The following GBF1 variants were observed in gnomAD, a reference collection of about 807,000 sequenced individuals.
GBF1 encodes Golgi-specific brefeldin A-resistance guanine nucleotide exchange factor 1.
GBF1 carries 114 observed loss-of-function variants against 210.5 expected under a neutral mutation model. The observed-to-expected ratio is 0.54, with a 90% CI of 0.47 to 0.63. GBF1 has a LOEUF of 0.63. Among genes scored for constraint, GBF1 ranks in the 30% least tolerant of loss-of-function variants. GBF1 has a pLI of 0.00. For missense variants in GBF1, 1,851 were observed against 2,357.7 expected (o/e 0.79, Z 4.45); for synonymous variants, 850 against 889.2 (o/e 0.96, Z 0.78).
chr10:102,323,351 C>A (rs1435728519), intron 3 of GBF1, among the ~76,000 whole-genome samples: 1 of 151,536 alleles, frequency 6.6e-6, no homozygotes, highest in Non-Finnish European at 1.5e-5. Context: ...TCAAAGCAGT[C>A]ACAGACGAGA....
chr10:102,273,534 C>G (rs1349681477), intron 3 of GBF1, among the ~76,000 whole-genome samples: 1 of 152,116 alleles, frequency 6.6e-6, no homozygotes, highest in Non-Finnish European at 1.5e-5. Context: ...TACTCCTGTT[C>G]TAGCACTGGT....
chr10:102,300,839 G>A (rs2077275705), intron 3 of GBF1, among the ~76,000 whole-genome samples: 1 of 152,100 alleles, frequency 6.6e-6, no homozygotes, highest in African/African-American at 2.4e-5. Flanking sequence ...ACTCTTTTGT[G>A]GCTTTGAGGA....
chr10:102,256,808 G>A (rs1366241555), intron 1 of GBF1, among the ~76,000 whole-genome samples: 1 of 152,142 alleles, frequency 6.6e-6, no homozygotes, highest in Non-Finnish European at 1.5e-5. Flanking sequence ...CACAGTGCCC[G>A]ACCTTCTTGT....
At chr10:102,234,883 G>A in the GBF1 span, among the ~76,000 whole-genome samples, 1 of 152,196 alleles carries the variant, frequency 6.6e-6, no homozygotes, top group African/African-American at 2.4e-5. Flanking sequence ...TATTTCAGCA[G>A]AGGGAGGCAG....
chr10:102,236,214 G>A, the GBF1 span, among the ~76,000 whole-genome samples: 1 of 152,228 alleles, frequency 6.6e-6, no homozygotes, highest in Non-Finnish European at 1.5e-5. Flanking sequence ...ACTGCTGGAG[G>A]TCAGGAAGCT....
At position 102,260,128 on chromosome 10, in the gene GBF1, T is replaced by A; in HGVS notation, c.163+12T>A. On this transcript the variant is annotated intron_variant, in intron 3 of 39. Coordinates refer to ENST00000369983, the MANE Select transcript of GBF1 (RefSeq NM_001377137.1). The stretch of plus-strand genomic sequence containing the variant: ...AAACAGTATAACAGGTAAGTCTCCA[T>A]ATGTATGTGGATTACTAATCTTGGT... The A allele has an allele frequency of 7.5e-7, 1 of 1,325,644 alleles. No individual in the cohort carries two copies. The allele number at this position is 1,325,644 out of a possible 1,614,324, so 82.1% of individuals were successfully genotyped here. A position where few individuals can be genotyped will look rare whatever the true frequency, so the allele number is the denominator to read the frequency against.
intron 3 of GBF1, among the ~76,000 whole-genome samples, chr10:102,267,276 G>A (rs1309894421): frequency 6.6e-6 from 1 of 152,174 alleles, no homozygotes; most frequent in Non-Finnish European, 1.5e-5. Context: ...AGGCTAAGGC[G>A]GGTGGATGAC....
intron 3 of GBF1, among the ~76,000 whole-genome samples, chr10:102,301,564 C>G (rs1400733030): frequency 6.6e-6 from 1 of 151,766 alleles, no homozygotes; most frequent in Non-Finnish European, 1.5e-5. Flanking sequence ...AGCTGCCGGG[C>G]GGAGGGGCTC....
intron 3 of GBF1, among the ~76,000 whole-genome samples, chr10:102,293,767 T>TA (rs2076655240): frequency 3.5e-5 from 1 of 28,920 alleles, no homozygotes; most frequent in Non-Finnish European, 6.8e-5. Context: ...GTAGTATGTT[T>TA]TGTGTTTTTT....
At chr10:102,258,791 A>AAAG in intron 1 of GBF1, 138 bp from the exon 2 acceptor site, 2 of 476,566 alleles carry the variant, frequency 4.2e-6, no homozygotes, top group South Asian at 2.5e-5. Context: ...AAAAAAAAAA[A>AAAG]AAAGAAAGAA....
In GBF1 at chr10:102,365,585, G is replaced by A. The variant is rs1319771582; in HGVS notation, c.2295G>A (p.Leu765=). Residue 765 remains leucine, a synonymous_variant, in exon 18 of 40, where the codon TTG becomes TTA. Transcript: ENST00000369983. ...FVSDRKNIDL[L]ESFVSTFSFQ... ...GTGACCGCAAAAACATTGACCTGTT[G>A]GAGAGCTTTGTGAGGTGAGGAAGCT... The A allele has an allele frequency of 1.2e-6, 2 of 1,613,980 alleles. No homozygotes were observed. Among genetic ancestry groups the A allele is most frequent in the Non-Finnish European group, 1.7e-6 (2 of 1,179,904 alleles).
upstream of GBF1, among the ~76,000 whole-genome samples, chr10:102,243,149 C>T (rs1446285233): frequency 6.6e-6 from 1 of 152,050 alleles, no homozygotes; most frequent in African/African-American, 2.4e-5. Flanking sequence ...GAAAGTAACC[C>T]ATCTTTATAT....
intron 3 of GBF1, among the ~76,000 whole-genome samples, chr10:102,343,186 T>G (rs1039389605): frequency 2.0e-5 from 3 of 152,212 alleles, no homozygotes; most frequent in Non-Finnish European, 4.4e-5. Flanking sequence ...CTCAGCCTTT[T>G]GTTCTTGTTA....
rs776271184 is a variant in GBF1, at chr10:102,365,824, TC to T, written c.2309+226del. Among the ~76,000 whole-genome samples, 16 of 152,200 alleles carry T rather than the reference TC, an allele frequency of 1.1e-4. No individual in the cohort carries two copies. The East Asian group carries it at 2.5e-3, about 24-fold the overall frequency. ...TGTTCAGGAGGCTGAGGCAGGAAGATCACTTGAGTCTGGGAGTTCGAGGCTG... is the reference window on the plus strand; with the variant it reads ...TGTTCAGGAGGCTGAGGCAGGAAGATACTTGAGTCTGGGAGTTCGAGGCTG... On this transcript the variant is annotated intron_variant, in intron 18 of 39. Transcript: ENST00000369983.
At chr10:102,293,627 G>T (rs2076619077) in intron 3 of GBF1, among the ~76,000 whole-genome samples, 2 of 151,988 alleles carry the variant, frequency 1.3e-5, no homozygotes, top group Non-Finnish European at 2.9e-5. Flanking sequence ...CTGACACTCT[G>T]TAGGCCTAGG....
the GBF1 span, chr10:102,232,139 C>T: frequency 9.3e-7 from 1 of 1,074,490 alleles, no homozygotes; most frequent in Non-Finnish European, 1.4e-6. Context: ...GGTAAAATCT[C>T]CGGCTTAGCT....
At chr10:102,235,166 T>TCCCCCCCCCC in the GBF1 span, among the ~76,000 whole-genome samples, 12 of 59,028 alleles carry the variant, frequency 2.0e-4, no homozygotes, top group African/African-American at 7.1e-4. Context: ...TTATTACCCT[T>TCCCCCCCCCC]CCCCCACCCC....
At chr10:102,280,911 C>G (rs1254598427) in intron 3 of GBF1, among the ~76,000 whole-genome samples, 3 of 152,168 alleles carry the variant, frequency 2.0e-5, no homozygotes, top group Non-Finnish European at 2.9e-5. Flanking sequence ...GAAGTGTTGT[C>G]TTTCGTCTGA....
At position 102,376,699 on chromosome 10, in the gene GBF1, C is replaced by T. The variant is rs149227083; in HGVS notation, c.4187C>T (p.Ser1396Leu). 32 of 1,613,526 alleles carry T rather than the reference C, an allele frequency of 2.0e-5. No homozygotes were observed. The highest frequency in any genetic ancestry group is 4.0e-5 in the African/African-American group (3 of 74,908). Residue 1396 changes from serine to leucine, a missense_variant, in exon 32 of 40, where the codon TCG (serine) becomes TTG (leucine). Ser to Leu is a moderately radical substitution (Grantham distance 145, BLOSUM62 -2). Coordinates refer to ENST00000369983, the MANE Select transcript of GBF1 (RefSeq NM_001377137.1). ...DTKSLLKCVE[S>L]LSFIVRDAAH... Reference sequence around the variant, plus strand: ...AAGTCTCTGCTTAAGTGTGTGGAATCGCTGTCCTTCATTGTGCGTGATGCT... The same window carrying T: ...AAGTCTCTGCTTAAGTGTGTGGAATTGCTGTCCTTCATTGTGCGTGATGCT...
Sources: allele counts gnomAD v4.1 joint callset (sites outside exome capture counted in the v4.1 genomes callset), GRCh38; gene constraint gnomAD v4.1.1; transcripts MANE v1.5; gene names NCBI Gene and HGNC (gene_info 2026-07-23, HGNC 2026-07-21).